Variants in AP3B1 observed in about 807,000 individuals in gnomAD.
AP3B1 encodes AP-3 complex subunit beta-1.
Under a neutral mutation model 132.5 loss-of-function variants are expected in AP3B1, and 61 were observed. The ratio of observed to expected loss-of-function variants is 0.46; its 90% CI spans 0.37 to 0.57. The LOEUF (loss-of-function observed/expected upper bound fraction) is 0.57. AP3B1 is among the 20% of genes least tolerant of loss of function. The pLI is 0.00. For synonymous variants in AP3B1, 388 were observed against 438.3 expected (o/e 0.89, Z 1.43); for missense variants, 1,120 against 1,289.4 (o/e 0.87, Z 2.01).
At chr5:78,097,654 T>TG (rs573215689) in intron 21 of AP3B1, among the ~76,000 whole-genome samples, 1,427 of 66,800 alleles carry the variant, frequency 0.021, 153 homozygotes, top group Admixed American at 0.062. Flanking sequence ...GGGAGGGAGG[T>TG]GGGGGGGTCA....
At chr5:78,120,722 A>G (rs9765442) in intron 17 of AP3B1, among the ~76,000 whole-genome samples, 45,668 of 151,288 alleles carry the variant, frequency 0.3, 7,270 homozygotes, top group Admixed American at 0.41. Context: ...AAAGAGACTT[A>G]GACTCCCACA....
chr5:78,255,734 A>C (rs1296478987), intron 2 of AP3B1, among the ~76,000 whole-genome samples: 1 of 152,112 alleles, frequency 6.6e-6, no homozygotes, highest in Non-Finnish European at 1.5e-5. Context: ...CACTATAGAC[A>C]AAAATGAATC....
At chr5:78,155,716 G>A (rs1449008585) in intron 14 of AP3B1, among the ~76,000 whole-genome samples, 2 of 151,996 alleles carry the variant, frequency 1.3e-5, no homozygotes, top group Non-Finnish European at 2.9e-5. Context: ...ATAGAGTGAA[G>A]GGAGACTGGG....
chr5:78,005,711 C>T (rs949526361), intron 26 of AP3B1, among the ~76,000 whole-genome samples: 2 of 152,188 alleles, frequency 1.3e-5, no homozygotes, highest in African/African-American at 4.8e-5. Flanking sequence ...GATGTTCTGA[C>T]ATTCTCATTT....
intron 22 of AP3B1, among the ~76,000 whole-genome samples, chr5:78,079,635 GTTTTA>G (rs1238841240): frequency 6.6e-6 from 1 of 152,124 alleles, no homozygotes; most frequent in Admixed American, 6.5e-5. Flanking sequence ...ACTATTGATA[GTTTTA>G]TTTTAGTTAT....
chr5:78,193,770 A>ATATATATATTTTTTTTTT, intron 7 of AP3B1, among the ~76,000 whole-genome samples: 40 of 67,188 alleles, frequency 6.0e-4, no homozygotes, highest in Admixed American at 8.8e-4. Flanking sequence ...ATATATATAT[A>ATATATATATTTTTTTTTT]TTTTTTTTTT....
intron 22 of AP3B1, among the ~76,000 whole-genome samples, chr5:78,081,009 C>T (rs761300983): frequency 6.6e-6 from 1 of 152,070 alleles, no homozygotes; most frequent in East Asian, 1.9e-4. Context: ...TTTCAAAATA[C>T]AAATGGATGG....
chr5:78,087,191 T>C (rs1750298112), intron 22 of AP3B1, among the ~76,000 whole-genome samples: 1 of 152,210 alleles, frequency 6.6e-6, no homozygotes, highest in South Asian at 2.1e-4. Flanking sequence ...CTCTATCATC[T>C]ATGAACTTCA....
Position 78,294,631 on chromosome 5 carries a change from A to C in AP3B1, c.-52T>G. 1.2e-6 allele frequency: 2 copies of C among 1,611,752 alleles called. No homozygotes were observed. Among genetic ancestry groups the C allele is most frequent in the Non-Finnish European group, 1.7e-6 (2 of 1,179,638 alleles). On this transcript the variant is annotated 5_prime_UTR_variant, in exon 1 of 27. Transcript: ENST00000255194. ...TGGTCCTGCCGGGGGTTCTCTCCAAAAGGTTCCAGTCCAGAGGGCACGGAA... is the reference window on the plus strand; with the variant it reads ...TGGTCCTGCCGGGGGTTCTCTCCAACAGGTTCCAGTCCAGAGGGCACGGAA...
At chr5:78,287,750 TAAAAA>T (rs58180674) in intron 1 of AP3B1, among the ~76,000 whole-genome samples, 2 of 131,748 alleles carry the variant, frequency 1.5e-5, no homozygotes, top group Non-Finnish European at 3.2e-5. Flanking sequence ...GTACCCCTTG[TAAAAA>T]AAAAAAAAAA....
chr5:78,294,641 T>C lies in AP3B1; in HGVS notation c.-62A>G, dbSNP rs993278253. On this transcript the variant is annotated 5_prime_UTR_variant, in exon 1 of 27. Transcript: ENST00000255194. ...GGGGGTTCTCTCCAAAAGGTTCCAGTCCAGAGGGCACGGAACAAAACTAGT... is the reference window on the plus strand; with the variant it reads ...GGGGGTTCTCTCCAAAAGGTTCCAGCCCAGAGGGCACGGAACAAAACTAGT... 1.9e-6 allele frequency: 3 copies of C among 1,610,680 alleles called. No individual in the cohort carries two copies. The highest frequency in any genetic ancestry group is 2.2e-5 in the East Asian group (1 of 44,854).
At chr5:78,016,021 G>A (rs974522075) in intron 25 of AP3B1, 3 of 192,224 alleles carry the variant, frequency 1.6e-5, no homozygotes, top group African/African-American at 7.2e-5. Context: ...AGCAATACCT[G>A]GTAAATGGCC....
chr5:78,039,494 G>C (rs543191256), intron 22 of AP3B1, among the ~76,000 whole-genome samples: 1 of 152,072 alleles, frequency 6.6e-6, no homozygotes, highest in South Asian at 2.1e-4. Context: ...TTCTGTAAGC[G>C]GCTGGGCGCG....
Position 78,100,943 on chromosome 5 carries a change from C to CA in AP3B1, c.2470+9dup, listed in dbSNP as rs747769671. 3 of 1,479,562 alleles carry CA rather than the reference C, an allele frequency of 2.0e-6. No homozygotes were observed. In the Admixed American group the frequency reaches 5.2e-5, roughly 26 times the overall value. 91.7% of individuals were successfully genotyped at this position (1,479,562 alleles called of 1,614,324 possible). A position where few individuals can be genotyped will look rare whatever the true frequency, so the allele number is the denominator to read the frequency against. On this transcript the variant is annotated intron_variant, in intron 21 of 26. Transcript: ENST00000255194. Reference sequence around the variant, plus strand: ...AACACAGAAGAAATATTTTAAATTACAATACTTACAATCATCCAGATCTAG... The same window carrying CA: ...AACACAGAAGAAATATTTTAAATTACAAATACTTACAATCATCCAGATCTAG...
chr5:78,131,751 T>C (rs1752695674), intron 15 of AP3B1, among the ~76,000 whole-genome samples: 2 of 152,130 alleles, frequency 1.3e-5, no homozygotes, highest in Non-Finnish European at 2.9e-5. Context: ...CTCTCACCAT[T>C]TAACCTGTTC....
At chr5:78,101,154 G>T in intron 20 of AP3B1, 129 bp from the exon 21 acceptor site, 1 of 601,820 alleles carries the variant, frequency 1.7e-6, no homozygotes, top group East Asian at 2.9e-5. Context: ...CTTCTGTATG[G>T]TTATATAAAA....
At chr5:78,015,035 A>C (rs1488738143) in intron 26 of AP3B1, among the ~76,000 whole-genome samples, 1 of 152,194 alleles carries the variant, frequency 6.6e-6, no homozygotes, top group African/African-American at 2.4e-5. Context: ...CCTCCCTTTC[A>C]ATTAAAAAAG....
intron 7 of AP3B1, among the ~76,000 whole-genome samples, chr5:78,196,270 A>G (rs986914044): frequency 6.6e-6 from 1 of 152,226 alleles, no homozygotes; most frequent in African/African-American, 2.4e-5. Context: ...AACATATAAA[A>G]ACATGTTCAA....
chr5:78,110,043 G>T (rs1339604750), intron 20 of AP3B1, among the ~76,000 whole-genome samples, 164 bp downstream of exon 20: 1 of 152,110 alleles, frequency 6.6e-6, no homozygotes, highest in African/African-American at 2.4e-5. Context: ...CAGTGGCAAG[G>T]GATGAGATTT....
Sources: allele counts gnomAD v4.1 joint callset (sites outside exome capture counted in the v4.1 genomes callset), GRCh38; gene constraint gnomAD v4.1.1; transcripts MANE v1.5; gene names NCBI Gene and HGNC (gene_info 2026-07-23, HGNC 2026-07-21).